MACO1: variants seen among roughly 807,000 people sequenced by gnomAD.
MACO1 encodes macoilin.
MACO1 carries 14 observed loss-of-function variants against 78.7 expected under a neutral mutation model. The ratio of observed to expected loss-of-function variants is 0.18; its 90% CI spans 0.12 to 0.28. The LOEUF is 0.28. Among genes scored for constraint, MACO1 ranks in the 10% least tolerant of loss-of-function variants. The pLI, the probability that MACO1 is intolerant of heterozygous loss-of-function variation, is 1.00. For synonymous variants in MACO1, 288 were observed against 291.6 expected (o/e 0.99, Z 0.12); for missense variants, 501 against 799.0 (o/e 0.63, Z 4.50).
chr1:25,460,403 CAT>C (rs376378921), intron 6 of MACO1, among the ~76,000 whole-genome samples: 125 of 151,546 alleles, frequency 8.2e-4, no homozygotes, highest in African/African-American at 2.5e-3. Context: ...TTCTCCTACA[CAT>C]GTTTTTTTTT....
rs570320042 is a variant in MACO1, at chr1:25,468,504, A to G, written c.1154+9612A>G. On this transcript the variant is annotated intron_variant, in intron 6 of 10. Transcript: ENST00000374343. ...CACATTGCCATGATGGTGAGCTCCT[A>G]GAAATTTTGAAGCCATGGAAAAGAA... Among the ~76,000 whole-genome samples the G allele has an allele frequency of 3.3e-5, 5 of 152,340 alleles. No individual in the cohort carries two copies. The East Asian group carries it at 9.7e-4, about 29-fold the overall frequency.
intron 1 of MACO1, among the ~76,000 whole-genome samples, chr1:25,432,304 A>T (rs2042882655): frequency 6.6e-6 from 1 of 152,210 alleles, no homozygotes. Context: ...ACAGATGTGG[A>T]ATGATTGCTT....
intron 3 of MACO1, among the ~76,000 whole-genome samples, chr1:25,452,957 A>G (rs1196014052): frequency 6.6e-6 from 1 of 151,110 alleles, no homozygotes; most frequent in East Asian, 1.9e-4. Flanking sequence ...GGCCTCCCAA[A>G]GTGCTGGGAT....
chr1:25,484,248 G>A lies in MACO1; in HGVS notation c.1287G>A (p.Arg429=). 1 of 1,612,646 alleles carries A rather than the reference G, an allele frequency of 6.2e-7. No individual in the cohort carries two copies. The highest frequency in any genetic ancestry group is 1.1e-5 in the South Asian group (1 of 90,870). The change falls in exon 7 of 11, where the codon CGG becomes CGA. Residue 429 remains arginine (R), a synonymous_variant. Transcript: ENST00000374343. ...RGIRSEMGQL[R]QENELLQNKL... is the part of the protein sequence containing the mutation. ...TCCGCTCAGAAATGGGCCAGCTTCG[G>A]CAGGAGAACGAGCTGCTGCAGAACA...
intron 6 of MACO1, among the ~76,000 whole-genome samples, chr1:25,471,515 A>G (rs1273495174): frequency 1.3e-5 from 2 of 152,222 alleles, no homozygotes; most frequent in East Asian, 1.9e-4. Context: ...TTATTATACC[A>G]TAATAGAATG....
intron 9 of MACO1, 100 bp from the exon 10 acceptor site, chr1:25,491,310 A>G: frequency 1.3e-6 from 2 of 1,522,378 alleles, no homozygotes; most frequent in South Asian, 2.6e-5. Context: ...TCTAGTGGCC[A>G]GACCAAGAAT....
Position 25,498,288 on chromosome 1 carries a change from A to T in MACO1, c.1817A>T (p.Glu606Val), listed in dbSNP as rs370093620. 5 of 1,614,214 alleles carry T rather than the reference A, an allele frequency of 3.1e-6. No homozygotes were observed. Among genetic ancestry groups the T allele is most frequent in the Non-Finnish European group, 3.4e-6 (4 of 1,180,038 alleles). The change falls in exon 11 of 11, where the codon GAA (glutamate) becomes GTA (valine). Residue 606 changes from glutamate (E) to valine (V), a missense_variant. Transcript: ENST00000374343. ...GGACAAATCCTTCAGAAAGATCAGG[A>T]AATCAAGGACCTAAAACAGAAGATA... ...AQGQILQKDQ[E>V]IKDLKQKIAE... is the part of the protein sequence containing the mutation.
In MACO1 at chr1:25,484,032, G is replaced by A; in HGVS notation, c.1155-84G>A. 2.2e-6 allele frequency: 3 copies of A among 1,379,726 alleles called. No individual in the cohort carries two copies. The South Asian group carries it at 4.5e-5, about 21-fold the overall frequency. 85.5% of individuals were successfully genotyped at this position (1,379,726 alleles called of 1,614,324 possible). A position where few individuals can be genotyped will look rare whatever the true frequency, so the allele number is the denominator to read the frequency against. ...GGGTCCTTTTTCTGCCATTCACCCA[G>A]CAGTCCAGGACCCCCACCAGGTCCC... On this transcript the variant is annotated intron_variant, in intron 6 of 10. Coordinates refer to ENST00000374343, the MANE Select transcript of MACO1 (RefSeq NM_018202.6).
At chr1:25,498,134 G>T in intron 10 of MACO1, 130 bp from the exon 11 acceptor site, 1 of 824,038 alleles carries the variant, frequency 1.2e-6, no homozygotes, top group Non-Finnish European at 1.9e-6. Context: ...GGACAAGTTT[G>T]CCTGCTCTTA....
At chr1:25,486,489 G>C (rs2043433936) in intron 8 of MACO1, among the ~76,000 whole-genome samples, 1 of 152,052 alleles carries the variant, frequency 6.6e-6, no homozygotes. Flanking sequence ...GACTAGTGAA[G>C]TCCCTCTGCA....
At chr1:25,478,425 T>G (rs1479669478) in intron 6 of MACO1, among the ~76,000 whole-genome samples, 1 of 152,230 alleles carries the variant, frequency 6.6e-6, no homozygotes, top group East Asian at 1.9e-4. Flanking sequence ...TAAAATTAAA[T>G]TTAAATAATT....
At position 25,498,407 on chromosome 1, in the gene MACO1, G is replaced by A; in HGVS notation, c.1936G>A (p.Glu646Lys). ...CCCCCACTACTCTTCCAAATTTGTG[G>A]AGACCAGCCCCTCTGGACTTGACCC... ...VSPHYSSKFV[E>K]TSPSGLDPNA... The change falls in exon 11 of 11, where the codon GAG (glutamate) becomes AAG (lysine). Residue 646 changes from glutamate (E) to lysine (K), a missense_variant. By Grantham distance (56) the Glu-to-Lys change is moderately conservative. Coordinates refer to ENST00000374343, the MANE Select transcript of MACO1 (RefSeq NM_018202.6). The A allele has an allele frequency of 6.2e-7, 1 of 1,613,990 alleles. No individual in the cohort carries two copies. Among genetic ancestry groups the A allele is most frequent in the Non-Finnish European group, 8.5e-7 (1 of 1,180,006 alleles).
At chr1:25,456,431 A>G (rs956745654) in intron 4 of MACO1, among the ~76,000 whole-genome samples, 2 of 152,214 alleles carry the variant, frequency 1.3e-5, no homozygotes, top group African/African-American at 2.4e-5. Context: ...CTTACGGTCT[A>G]GCAGTCCTGT....
At position 25,458,755 on chromosome 1, in the gene MACO1, A is replaced by G. The variant is rs1416868362; in HGVS notation, c.1017A>G (p.Thr339=). Residue 339 remains threonine, a synonymous_variant, in exon 6 of 11, where the codon ACA becomes ACG. Coordinates refer to ENST00000374343, the MANE Select transcript of MACO1 (RefSeq NM_018202.6). The part of the protein sequence containing the change: ...VNSSPRSHSA[T]NGSIPSSSSK... The stretch of plus-strand genomic sequence containing the variant: ...CTTCACCTCGAAGTCATAGCGCCAC[A>G]AATGGGAGCATTCCTTCCTCATCTA... 1 of 1,614,102 alleles carries G rather than the reference A, an allele frequency of 6.2e-7. No individual in the cohort carries two copies. Among genetic ancestry groups the G allele is most frequent in the African/African-American group, 1.3e-5 (1 of 74,936 alleles).
At position 25,458,548 on chromosome 1, in the gene MACO1, A is replaced by G; in HGVS notation, c.810A>G (p.Ile270Met). The G allele has an allele frequency of 1.2e-6, 2 of 1,614,168 alleles. No homozygotes were observed. Among genetic ancestry groups the G allele is most frequent in the Non-Finnish European group, 1.7e-6 (2 of 1,180,026 alleles). Reference sequence around the variant, plus strand: ...ATGCCAAAAAACACAACCTTGGAATAAATAACAACAATATTCTACAACCTG... The same window carrying G: ...ATGCCAAAAAACACAACCTTGGAATGAATAACAACAATATTCTACAACCTG... Reference protein sequence around the residue: ...DKDAKKHNLGINNNNILQPVD... With the variant: ...DKDAKKHNLGMNNNNILQPVD... The change falls in exon 6 of 11, where the codon ATA becomes ATG. Residue 270 changes from isoleucine to methionine, a missense_variant. Physicochemically the swap from Ile to Met is conservative, Grantham distance 10. Transcript: ENST00000374343.
chr1:25,450,732 T>A (rs1369088088), intron 3 of MACO1, among the ~76,000 whole-genome samples: 1 of 152,242 alleles, frequency 6.6e-6, no homozygotes, highest in Non-Finnish European at 1.5e-5. Context: ...TTTAGTCTGC[T>A]TTCCTCTAAT....
At chr1:25,447,684 G>A (rs1028541791) in intron 2 of MACO1, among the ~76,000 whole-genome samples, 6 of 152,130 alleles carry the variant, frequency 3.9e-5, no homozygotes, top group Admixed American at 2.0e-4. Flanking sequence ...ATATGCATGA[G>A]TGAGTGTAAA....
Position 25,430,946 on chromosome 1 carries a change from C to G in MACO1, c.-153C>G. On this transcript the variant is annotated 5_prime_UTR_variant, in exon 1 of 11. Transcript: ENST00000374343. ...GAGGAGGCTCCGAGCCCCCCCTCCC[C>G]GTGCTACCCCCTCCCCCCGGGTGCT... 2.3e-6 allele frequency: 1 copy of G among 435,500 alleles called. No individual in the cohort carries two copies. The highest frequency in any genetic ancestry group is 2.7e-5 in the South Asian group (1 of 37,288). 27.0% of individuals were successfully genotyped at this position (435,500 alleles called of 1,614,324 possible).
intron 1 of MACO1, among the ~76,000 whole-genome samples, chr1:25,442,570 G>GA (rs2042981872): frequency 6.6e-6 from 1 of 152,212 alleles, no homozygotes; most frequent in African/African-American, 2.4e-5. Flanking sequence ...AGATACTGGA[G>GA]AAAAGGTGCA....
Sources: gnomAD v4.1 joint callset for allele counts (sites outside exome capture counted in the v4.1 genomes callset) on GRCh38, gnomAD v4.1.1 for gene constraint, MANE v1.5 for transcripts, NCBI Gene and HGNC (gene_info 2026-07-23, HGNC 2026-07-21) for gene names.